NECTIN3: variants seen among roughly 807,000 people sequenced by gnomAD.
NECTIN3 encodes the protein nectin cell adhesion molecule 3.
Under a neutral mutation model 49.4 loss-of-function variants are expected in NECTIN3, and 8 were observed. That is an observed-to-expected ratio of 0.16 (90% CI 0.10 to 0.29). The LOEUF (loss-of-function observed/expected upper bound fraction) is 0.29. Ranked by LOEUF, NECTIN3 falls within the 10% of genes least tolerant of loss-of-function variation. The pLI is 1.00. For missense variants in NECTIN3, 581 were observed against 654.6 expected, an observed-to-expected ratio of 0.89 and a Z score of 1.23; for synonymous variants, 277 against 241.1, an observed-to-expected ratio of 1.15 and a Z score of -1.38.
At chr3:111,081,888 G>T (rs1406323565) in intron 1 of NECTIN3, among the ~76,000 whole-genome samples, 1 of 152,200 alleles carries the variant, frequency 6.6e-6, no homozygotes, top group Non-Finnish European at 1.5e-5. Flanking sequence ...GACTGTGGTA[G>T]CCACTGAGGA....
At chr3:111,159,739 A>G (rs2035172287) in intron 7 of NECTIN3, among the ~76,000 whole-genome samples, 1 of 152,358 alleles carries the variant, frequency 6.6e-6, no homozygotes, top group East Asian at 1.9e-4. Flanking sequence ...CTCACAAGAC[A>G]TTATATTTCT....
chr3:111,114,862 T>C (rs552857991), intron 2 of NECTIN3, among the ~76,000 whole-genome samples: 1 of 152,176 alleles, frequency 6.6e-6, no homozygotes, highest in East Asian at 1.9e-4. Flanking sequence ...GAAACCTGCA[T>C]ATATGAAGGG....
Position 111,137,035 on chromosome 3 carries a change from G to A in NECTIN3, c.*2820G>A, listed in dbSNP as rs149209848. The A allele has an allele frequency of 9.4e-4, 919 of 979,442 alleles. 5 individuals carry two copies. In the African/African-American group the frequency reaches 1.0e-2, roughly 11 times the overall value. The allele number at this position is 979,442 out of a possible 1,614,324, so 60.7% of individuals were successfully genotyped here. On this transcript the variant is annotated 3_prime_UTR_variant, in exon 6 of 6. Transcript: ENST00000485303. The stretch of plus-strand genomic sequence containing the variant: ...TGTTGCTTCTAATAGCCATATACAG[G>A]AAAGTTTTATAAGATAACCCACGGC...
chr3:111,152,771 T>TTG (rs2035025962), intron 7 of NECTIN3, among the ~76,000 whole-genome samples: 1 of 151,920 alleles, frequency 6.6e-6, no homozygotes. Context: ...TTGCTAAACT[T>TTG]TGTGGTTTTA....
intron 5 of NECTIN3, among the ~76,000 whole-genome samples, chr3:111,144,603 TTC>T (rs1390618893): frequency 6.6e-6 from 1 of 152,208 alleles, no homozygotes; most frequent in Non-Finnish European, 1.5e-5. Context: ...TTTCATCTTT[TTC>T]TCTCTCTTCT....
At chr3:111,163,374 AG>A (rs1243093668) in intron 7 of NECTIN3, among the ~76,000 whole-genome samples, 1 of 152,210 alleles carries the variant, frequency 6.6e-6, no homozygotes, top group Non-Finnish European at 1.5e-5. Context: ...CCCACTCATA[AG>A]GCAAGGTTAT....
intron 7 of NECTIN3, among the ~76,000 whole-genome samples, chr3:111,174,434 A>G (rs2035487967): frequency 6.6e-6 from 1 of 152,030 alleles, no homozygotes; most frequent in Admixed American, 6.6e-5. Context: ...GGGGTTCTGT[A>G]CCATATCCTG....
intron 5 of NECTIN3, among the ~76,000 whole-genome samples, chr3:111,132,121 A>G (rs2034415979): frequency 1.3e-5 from 2 of 151,818 alleles, no homozygotes; most frequent in African/African-American, 4.8e-5. Context: ...TGATCCTTCA[A>G]TTCTACACTT....
intron 5 of NECTIN3, among the ~76,000 whole-genome samples, chr3:111,131,501 C>T (rs72937925): frequency 0.041 from 6,269 of 151,946 alleles, 434 homozygotes; most frequent in African/African-American, 0.14. Flanking sequence ...ATTAAATGGC[C>T]TCTCTTTCAT....
At chr3:111,076,280 G>A (rs2031193550) in intron 1 of NECTIN3, among the ~76,000 whole-genome samples, 1 of 152,058 alleles carries the variant, frequency 6.6e-6, no homozygotes, top group Non-Finnish European at 1.5e-5. Context: ...TTAAAAGAGA[G>A]CATTTTGACA....
chr3:111,159,411 T>C (rs2035163484), intron 7 of NECTIN3, among the ~76,000 whole-genome samples: 1 of 152,246 alleles, frequency 6.6e-6, no homozygotes. Context: ...TGAGTAATCC[T>C]ATCCTTAATG....
intron 1 of NECTIN3, among the ~76,000 whole-genome samples, chr3:111,103,434 T>TA (rs1423156491): frequency 2.0e-5 from 3 of 151,766 alleles, no homozygotes; most frequent in African/African-American, 7.2e-5. Context: ...TCATTACTGA[T>TA]ACGTAAGAAA....
In NECTIN3 at chr3:111,136,156, A is replaced by C. The variant is rs188729707; in HGVS notation, c.*1941A>C. On this transcript the variant is annotated 3_prime_UTR_variant, in exon 6 of 6. Coordinates refer to ENST00000485303, the MANE Select transcript of NECTIN3 (RefSeq NM_015480.3). ...AAAACTATGGCTTTTTTTAAAATCAAAATTTCATCTTTTAAAATAATGGTT... is the reference window on the plus strand; with the variant it reads ...AAAACTATGGCTTTTTTTAAAATCACAATTTCATCTTTTAAAATAATGGTT... 6.6e-5 allele frequency: 65 copies of C among 980,006 alleles called. No homozygotes were observed. The African/African-American group carries it at 1.1e-3, about 17-fold the overall frequency. 60.7% of individuals were successfully genotyped at this position (980,006 alleles called of 1,614,324 possible).
chr3:111,144,755 C>A, intron 5 of NECTIN3: 3 of 797,362 alleles, frequency 3.8e-6, no homozygotes, highest in Non-Finnish European at 5.6e-6. Context: ...GCCACTAAAC[C>A]TAATGAATGA....
At chr3:111,185,208 G>A (rs758876606) in intron 7 of NECTIN3, among the ~76,000 whole-genome samples, 5 of 152,090 alleles carry the variant, frequency 3.3e-5, no homozygotes, top group Non-Finnish European at 5.9e-5. Context: ...TTTCCTAAAT[G>A]CCGAACTCTG....
downstream of NECTIN3, among the ~76,000 whole-genome samples, chr3:111,141,911 A>T (rs540551436): frequency 6.6e-6 from 1 of 151,754 alleles, no homozygotes; most frequent in East Asian, 1.9e-4. Context: ...TGGTCACTTA[A>T]TTTTTTTCCT....
intron 7 of NECTIN3, among the ~76,000 whole-genome samples, chr3:111,167,561 A>G (rs1375281303): frequency 1.3e-5 from 2 of 152,218 alleles, no homozygotes; most frequent in African/African-American, 2.4e-5. Flanking sequence ...TATATTGAGT[A>G]TAAAAGCTGG....
intron 7 of NECTIN3, among the ~76,000 whole-genome samples, chr3:111,179,135 C>T (rs1266335512): frequency 6.6e-6 from 1 of 152,196 alleles, no homozygotes; most frequent in East Asian, 1.9e-4. Flanking sequence ...CTGTTTTAAT[C>T]ATGTTGCCAT....
intron 1 of NECTIN3, among the ~76,000 whole-genome samples, chr3:111,103,577 A>G (rs2033026449): frequency 6.6e-6 from 1 of 151,776 alleles, no homozygotes; most frequent in African/African-American, 2.4e-5. Flanking sequence ...TTTATTTCTT[A>G]ATAAATAAAG....
Sources: allele counts gnomAD v4.1 joint callset (sites outside exome capture counted in the v4.1 genomes callset), GRCh38; gene constraint gnomAD v4.1.1; transcripts MANE v1.5; gene names NCBI Gene and HGNC (gene_info 2026-07-23, HGNC 2026-07-21).